TMEM87B: variants seen among roughly 807,000 people sequenced by gnomAD.
The protein encoded by TMEM87B is transmembrane protein 87B.
In TMEM87B, 83 loss-of-function variants were observed where a neutral mutation model predicts 80.3. That is an observed-to-expected ratio of 1.03 (90% CI 0.87 to 1.24). The LOEUF (loss-of-function observed/expected upper bound fraction) is 1.24, where lower values mean the gene tolerates loss of function less well. Among genes scored for constraint, TMEM87B ranks in the 50% most tolerant of loss-of-function variants. The probability of loss-of-function intolerance (pLI) is 0.00; values close to 1 mark genes in which losing one functional copy is unlikely to be tolerated. For missense variants in TMEM87B, 625 were observed against 674.4 expected (o/e 0.93, Z 0.81); for synonymous variants, 219 against 230.5 (o/e 0.95, Z 0.45).
rs1194045529 is a variant in TMEM87B, at chr2:112,059,479, AAT to A, written c.166-495_166-494del. Among the ~76,000 whole-genome samples, 5 of 152,158 alleles carry A rather than the reference AAT, an allele frequency of 3.3e-5. No individual in the cohort carries two copies. In the East Asian group the frequency reaches 7.7e-4, roughly 23 times the overall value. On this transcript the variant is annotated intron_variant, in intron 1 of 18. Coordinates refer to ENST00000283206, the MANE Select transcript of TMEM87B (RefSeq NM_032824.3). ...ACCACTAATCCTGAGGGCAGGAAAG[AAT>A]ATCATGCTTTTCTGGAACTGGAAAG... is the stretch of plus-strand genomic sequence containing the variant.
Position 112,055,483 on chromosome 2 carries a change from G to A in TMEM87B, c.-109G>A, listed in dbSNP as rs1171201717. On this transcript the variant is annotated 5_prime_UTR_variant, in exon 1 of 19. Coordinates refer to ENST00000283206, the MANE Select transcript of TMEM87B (RefSeq NM_032824.3). ...AAGCGCGAGCCCCTCCTCCACACCC[G>A]AGTCCGAGCCCCGCGTCCCGGATTC... 7.8e-7 allele frequency: 1 copy of A among 1,287,352 alleles called. No individual in the cohort carries two copies. Among genetic ancestry groups the A allele is most frequent in the Admixed American group, 3.5e-5 (1 of 28,464 alleles). 79.7% of individuals were successfully genotyped at this position (1,287,352 alleles called of 1,614,324 possible).
chr2:112,068,980 C>A (rs1678530175), intron 4 of TMEM87B, among the ~76,000 whole-genome samples: 1 of 151,644 alleles, frequency 6.6e-6, no homozygotes. Flanking sequence ...ATCTTGAGGT[C>A]AGGAGATCGA....
rs1678193309 is a variant in TMEM87B at position 112,059,922 on chromosome 2, C to G, written c.166-55C>G. ...GAACTCTATATGTTGTGGGGTAAAA[C>G]AGTTGCAAAAAAAACTTTCTAACAA... On this transcript the variant is annotated intron_variant, in intron 1 of 18. Coordinates refer to ENST00000283206, the MANE Select transcript of TMEM87B (RefSeq NM_032824.3). 1.7e-5 allele frequency: 27 copies of G among 1,572,408 alleles called. No homozygotes were observed. In the South Asian group the frequency reaches 2.5e-4, roughly 15 times the overall value.
chr2:112,088,959 C>G (rs892472138), intron 9 of TMEM87B, among the ~76,000 whole-genome samples: 1 of 152,136 alleles, frequency 6.6e-6, no homozygotes, highest in African/African-American at 2.4e-5. Flanking sequence ...CCGGGTTTCA[C>G]CACGTTGGCC....
intron 4 of TMEM87B, among the ~76,000 whole-genome samples, chr2:112,071,201 T>A (rs4848992): frequency 0.51 from 76,930 of 151,758 alleles, 20,754 homozygotes; most frequent in African/African-American, 0.7. Context: ...CATTGTAGAG[T>A]TCATTCACCC....
At chr2:112,057,993 A>C (rs1044540802) in intron 1 of TMEM87B, among the ~76,000 whole-genome samples, 2 of 151,930 alleles carry the variant, frequency 1.3e-5, no homozygotes, top group Non-Finnish European at 2.9e-5. Flanking sequence ...ACGCCTGGCT[A>C]ATTTTTTATT....
At chr2:112,078,518 C>A (rs1371195416) in intron 6 of TMEM87B, among the ~76,000 whole-genome samples, 1 of 152,136 alleles carries the variant, frequency 6.6e-6, no homozygotes, top group Non-Finnish European at 1.5e-5. Flanking sequence ...GAGGACAGAG[C>A]CCTCATGACT....
At chr2:112,094,180 T>A (rs1162814812) in intron 11 of TMEM87B, among the ~76,000 whole-genome samples, 1 of 150,630 alleles carries the variant, frequency 6.6e-6, no homozygotes, top group East Asian at 1.9e-4. Flanking sequence ...TTTTTTTTTT[T>A]AAGACGGAGT....
chr2:112,086,157 C>A, intron 9 of TMEM87B, 53 bp downstream of exon 9: 1 of 1,414,154 alleles, frequency 7.1e-7, no homozygotes, highest in Non-Finnish European at 9.9e-7. Context: ...TGATTCAGTC[C>A]GTCTACATTA....
In TMEM87B at chr2:112,059,943, A is replaced by G. The variant is rs1241983832; in HGVS notation, c.166-34A>G. On this transcript the variant is annotated intron_variant, in intron 1 of 18. Transcript: ENST00000283206. The stretch of plus-strand genomic sequence containing the variant: ...AAAACAGTTGCAAAAAAAACTTTCT[A>G]ACAAGATCTTCCTGTGTTTGTTTTT... 11 of 1,587,374 alleles carry G rather than the reference A, an allele frequency of 6.9e-6. No homozygotes were observed. In the Admixed American group the frequency reaches 1.9e-4, roughly 28 times the overall value.
rs1680090519 is a variant in TMEM87B, at chr2:112,118,852, T to C, written c.*2709T>C. The C allele has an allele frequency of 6.6e-6, 1 of 152,182 alleles. No homozygotes were observed. Among genetic ancestry groups the C allele is most frequent in the Non-Finnish European group, 1.5e-5 (1 of 68,004 alleles). The allele number at this position is 152,182 out of a possible 1,614,324, so 9.4% of individuals were successfully genotyped here. A position where few individuals can be genotyped will look rare whatever the true frequency, so the allele number is the denominator to read the frequency against. ...AGTTCGAGTCTGTTGCACTAGGCTG[T>C]ACATGACTAAAGTTGACAGATGCTA... is the stretch of plus-strand genomic sequence containing the variant. On this transcript the variant is annotated 3_prime_UTR_variant, in exon 19 of 19. Coordinates refer to ENST00000283206, the MANE Select transcript of TMEM87B (RefSeq NM_032824.3).
chr2:112,088,189 C>G (rs1452695739), intron 9 of TMEM87B, among the ~76,000 whole-genome samples: 1 of 152,170 alleles, frequency 6.6e-6, no homozygotes, highest in African/African-American at 2.4e-5. Flanking sequence ...TTCTCAAATG[C>G]CTTTTGTGTT....
At chr2:112,089,000 A>G (rs1485246308) in intron 9 of TMEM87B, among the ~76,000 whole-genome samples, 1 of 152,176 alleles carries the variant, frequency 6.6e-6, no homozygotes, top group Non-Finnish European at 1.5e-5. Context: ...AGCTCAAGTA[A>G]TGTGCGTACC....
chr2:112,089,324 A>ATAG (rs1340313136), intron 9 of TMEM87B, among the ~76,000 whole-genome samples: 1 of 152,234 alleles, frequency 6.6e-6, no homozygotes, highest in African/African-American at 2.4e-5. Flanking sequence ...CTTCCATTCT[A>ATAG]TAGAAACAGT....
intron 3 of TMEM87B, among the ~76,000 whole-genome samples, chr2:112,066,371 C>T (rs1678437299): frequency 6.6e-6 from 1 of 152,024 alleles, no homozygotes; most frequent in African/African-American, 2.4e-5. Flanking sequence ...ATATATTTTG[C>T]TCATATTGTC....
intron 9 of TMEM87B, among the ~76,000 whole-genome samples, chr2:112,089,058 G>A (rs1435025108): frequency 2.0e-5 from 3 of 152,094 alleles, no homozygotes; most frequent in Admixed American, 6.5e-5. Context: ...ACTGCGCCTC[G>A]CCCAAAAATG....
intron 1 of TMEM87B, among the ~76,000 whole-genome samples, chr2:112,056,656 CTT>C (rs763707294): frequency 4.7e-4 from 72 of 152,208 alleles, no homozygotes; most frequent in Non-Finnish European, 8.5e-4. Context: ...AAAGATGAGA[CTT>C]ATATTTTGAT....
intron 15 of TMEM87B, 105 bp from the exon 16 acceptor site, chr2:112,105,897 T>TC: frequency 1.4e-6 from 1 of 735,590 alleles, no homozygotes; most frequent in Non-Finnish European, 2.0e-6. Flanking sequence ...TTATTAACCC[T>TC]CCATTTCTAA....
At chr2:112,064,362 A>C in intron 3 of TMEM87B, 109 bp downstream of exon 3, 1 of 925,274 alleles carries the variant, frequency 1.1e-6, no homozygotes, top group Non-Finnish European at 1.6e-6. Context: ...ACAGTTTTAG[A>C]AGTGCTACAG....
Sources: gnomAD v4.1 joint callset for allele counts (sites outside exome capture counted in the v4.1 genomes callset) on GRCh38, gnomAD v4.1.1 for gene constraint, MANE v1.5 for transcripts, NCBI Gene and HGNC (gene_info 2026-07-23, HGNC 2026-07-21) for gene names.